Variants in SPTB observed in about 807,000 individuals in gnomAD.
SPTB encodes the protein spectrin beta, erythrocytic.
SPTB carries 45 observed loss-of-function variants against 256.2 expected under a neutral mutation model. The ratio of observed to expected loss-of-function variants is 0.18; its 90% CI spans 0.14 to 0.23. The LOEUF is 0.23. Ranked by LOEUF, SPTB falls within the 10% of genes least tolerant of loss-of-function variation. The pLI, the probability that SPTB is intolerant of heterozygous loss-of-function variation, is 1.00. For missense variants in SPTB, 2,715 were observed against 3,040.4 expected (o/e 0.89, Z 2.52); for synonymous variants, 1,231 against 1,243.1 (o/e 0.99, Z 0.21).
At chr14:64,867,675 GA>G (rs1882268505) in intron 1 of SPTB, among the ~76,000 whole-genome samples, 1 of 151,970 alleles carries the variant, frequency 6.6e-6, no homozygotes, top group Non-Finnish European at 1.5e-5. Context: ...CCAACATGGC[GA>G]AACCCCGTCT....
chr14:64,752,333 G>T, intron 33 of SPTB: 1 of 1,124,478 alleles, frequency 8.9e-7, no homozygotes, highest in South Asian at 1.3e-5. Flanking sequence ...GGGCAGGAAG[G>T]TGGAGAAACT....
Position 64,785,502 on chromosome 14 carries a change from T to G in SPTB, c.3855+35A>C. ...GGAACTCTGCTTCTAGAAAGGAATC[T>G]CCAGGAAAGCAGCCACTCCTTGCTG... On this transcript the variant is annotated intron_variant, in intron 18 of 35. Transcript: ENST00000644917. This position sits in a 1 kb window ranked among gnomAD's most constrained non-coding sequence, Gnocchi z 4.4. 1 of 1,575,896 alleles carries G rather than the reference T, an allele frequency of 6.3e-7. No homozygotes were observed. Among genetic ancestry groups the G allele is most frequent in the South Asian group, 1.1e-5 (1 of 87,752 alleles).
intron 1 of SPTB, among the ~76,000 whole-genome samples, chr14:64,874,550 C>T (rs1169757089): frequency 6.6e-6 from 1 of 152,166 alleles, no homozygotes; most frequent in Admixed American, 6.5e-5. Context: ...TCTTGCTTTT[C>T]CACCCTTCTG....
chr14:64,801,440 G>A lies in SPTB; in HGVS notation c.648-40C>T, dbSNP rs780871242. The stretch of plus-strand genomic sequence containing the variant: ...GGACTGTGAAAAGGGAGTAGCCACA[G>A]CATCCCCACCAGGAGGGCAGCCCTA... On this transcript the variant is annotated intron_variant, in intron 6 of 35. Coordinates refer to ENST00000644917, the MANE Select transcript of SPTB (RefSeq NM_001355436.2). 2.0e-6 allele frequency: 3 copies of A among 1,475,888 alleles called. No individual in the cohort carries two copies. The South Asian group carries it at 3.4e-5, about 17-fold the overall frequency. The allele number at this position is 1,475,888 out of a possible 1,614,324, so 91.4% of individuals were successfully genotyped here. A position where few individuals can be genotyped will look rare whatever the true frequency, so the allele number is the denominator to read the frequency against.
At chr14:64,813,786 A>G (rs889195883) in intron 2 of SPTB, among the ~76,000 whole-genome samples, 50 of 152,196 alleles carry the variant, frequency 3.3e-4, no homozygotes, top group African/African-American at 1.1e-3. Context: ...TTGGCCTCCA[A>G]AAGTGCCTGG....
intron 1 of SPTB, among the ~76,000 whole-genome samples, chr14:64,862,369 T>C (rs955566286): frequency 2.6e-5 from 4 of 152,176 alleles, no homozygotes; most frequent in African/African-American, 9.6e-5. Context: ...TGAAAAATAC[T>C]ATAAATACAA....
chr14:64,799,264 G>C (rs2082835946), intron 9 of SPTB, among the ~76,000 whole-genome samples: 1 of 152,250 alleles, frequency 6.6e-6, no homozygotes, highest in African/African-American at 2.4e-5. Flanking sequence ...GGGTGGGGCA[G>C]AGGTCCTGAG....
At position 64,749,593 on chromosome 14, in the gene SPTB, G is replaced by C; in HGVS notation, c.6819+61C>G. 1 of 1,609,788 alleles carries C rather than the reference G, an allele frequency of 6.2e-7. No homozygotes were observed. Among genetic ancestry groups the C allele is most frequent in the East Asian group, 2.2e-5 (1 of 44,868 alleles). On this transcript the variant is annotated intron_variant, in intron 35 of 35. Transcript: ENST00000644917. This position sits in a 1 kb window ranked among gnomAD's most constrained non-coding sequence, Gnocchi z 4.7. ...TCTGAGGGGGCCTCCAGGGCAAGCGGCCTGGGGTCCTCCACCTACCCCCTT... is the reference window on the plus strand; with the variant it reads ...TCTGAGGGGGCCTCCAGGGCAAGCGCCCTGGGGTCCTCCACCTACCCCCTT...
chr14:64,762,861 T>C (rs1356917685), intron 32 of SPTB, among the ~76,000 whole-genome samples: 2 of 152,188 alleles, frequency 1.3e-5, no homozygotes, highest in Admixed American at 1.3e-4. Context: ...CCTTGGGGCT[T>C]GGAGGCAGGC....
At position 64,767,865 on chromosome 14, in the gene SPTB, A is replaced by G; in HGVS notation, c.6023-6T>C. On this transcript the variant is annotated splice_polypyrimidine_tract_variant and splice_region_variant and intron_variant, in intron 29 of 35. Coordinates refer to ENST00000644917, the MANE Select transcript of SPTB (RefSeq NM_001355436.2). ...GAACTGGCACACCTCCAGCACTGCC[A>G]GGGGGAACAGGACACAGACCCCCCA... The G allele has an allele frequency of 6.2e-7, 1 of 1,613,504 alleles. No homozygotes were observed. Among genetic ancestry groups the G allele is most frequent in the South Asian group, 1.1e-5 (1 of 91,038 alleles).
intron 32 of SPTB, among the ~76,000 whole-genome samples, chr14:64,762,631 C>T (rs2082110593): frequency 6.6e-6 from 1 of 151,962 alleles, no homozygotes; most frequent in African/African-American, 2.4e-5. Context: ...CTCCTACGTT[C>T]AGCCCTAGCG....
intron 2 of SPTB, among the ~76,000 whole-genome samples, chr14:64,822,242 T>C (rs1247384078): frequency 1.4e-5 from 2 of 139,212 alleles, no homozygotes; most frequent in Non-Finnish European, 3.0e-5. Context: ...AGGGAGGCAA[T>C]AGTCACAGGA....
Position 64,806,150 on chromosome 14 carries a change from G to T in SPTB, c.149-1060C>A, listed in dbSNP as rs989165440. On this transcript the variant is annotated intron_variant, in intron 2 of 35. Transcript: ENST00000644917. This position sits in a 1 kb window ranked among gnomAD's most constrained non-coding sequence, Gnocchi z 4.1. ...TGGCACAAAAAAAAGAGAGAGAAAA[G>T]GATAGAGGAGGGGAGAAGGAGAAAA... 6.7e-6 allele frequency among the ~76,000 whole-genome samples: 1 copy of T among 149,524 alleles called. No individual in the cohort carries two copies. Among genetic ancestry groups the T allele is most frequent in the Non-Finnish European group, 1.5e-5 (1 of 67,616 alleles).
At chr14:64,810,734 A>G (rs572647370) in intron 2 of SPTB, among the ~76,000 whole-genome samples, 1 of 152,276 alleles carries the variant, frequency 6.6e-6, no homozygotes, top group South Asian at 2.1e-4. Flanking sequence ...GCTTTCTACA[A>G]TGTTAGTGTA....
At chr14:64,761,758 G>A (rs1387425316) in intron 32 of SPTB, among the ~76,000 whole-genome samples, 1 of 152,188 alleles carries the variant, frequency 6.6e-6, no homozygotes, top group African/African-American at 2.4e-5. Context: ...TGCCCTGAAG[G>A]AGCTGCTGGC....
rs550381659 is a variant in SPTB at position 64,824,304 on chromosome 14, A to C, written c.-51-1159T>G. On this transcript the variant is annotated intron_variant, in intron 1 of 35. Transcript: ENST00000644917. This position sits in a 1 kb window ranked among gnomAD's most constrained non-coding sequence, Gnocchi z 5.7. ...AAGGACAAGAGTCCAAGCAAAGGGA[A>C]TAAAGAGTAGGTGTAAAGTCCTGAA... is the stretch of plus-strand genomic sequence containing the variant. Among the ~76,000 whole-genome samples, 3 of 152,290 alleles carry C rather than the reference A, an allele frequency of 2.0e-5. No individual in the cohort carries two copies. In the East Asian group the frequency reaches 5.8e-4, roughly 29 times the overall value.
At position 64,753,712 on chromosome 14, in the gene SPTB, C is replaced by T; in HGVS notation, c.6427G>A (p.Gly2143Arg). ...GQHKDGQKST[G>R]DERPTTEPLF... ...GGCTCCGTGGTGGGCCTCTCATCCC[C>T]AGTGGATTTCTGCCCATCCTTGTGC... Residue 2143 changes from glycine to arginine, a missense_variant, in exon 33 of 36, where the codon GGG (glycine) becomes AGG (arginine). Gly to Arg is a moderately radical substitution (Grantham distance 125, BLOSUM62 -2). Transcript: ENST00000644917. 1 of 1,613,828 alleles carries T rather than the reference C, an allele frequency of 6.2e-7. No individual in the cohort carries two copies. The highest frequency in any genetic ancestry group is 8.5e-7 in the Non-Finnish European group (1 of 1,180,028).
chr14:64,869,960 C>CAA (rs1882433601), intron 1 of SPTB, among the ~76,000 whole-genome samples: 1 of 151,830 alleles, frequency 6.6e-6, no homozygotes, highest in Admixed American at 6.6e-5. Flanking sequence ...ATTTCTGAGC[C>CAA]ACTCCCCTCC....
chr14:64,749,301 A>G lies in SPTB; in HGVS notation c.*5T>C, dbSNP rs779842361. 1.0e-5 allele frequency: 16 copies of G among 1,595,424 alleles called. No individual in the cohort carries two copies. The highest frequency in any genetic ancestry group is 4.5e-5 in the East Asian group (2 of 44,204). On this transcript the variant is annotated 3_prime_UTR_variant, in exon 36 of 36. Coordinates refer to ENST00000644917, the MANE Select transcript of SPTB (RefSeq NM_001355436.2). The surrounding 1 kb of genome is among the most constrained non-coding windows in gnomAD (Gnocchi z 4.7). ...CGACTCCGCCGCGCCCGCCAGCCCC[A>G]CCTGCTACTTCTTTTTGGGGAAGAA...
Sources: gnomAD v4.1 joint callset for allele counts (sites outside exome capture counted in the v4.1 genomes callset) on GRCh38, gnomAD v4.1.1 for gene constraint, Gnocchi (gnomAD v3.1) non-coding constraint, MANE v1.5 for transcripts, NCBI Gene and HGNC (gene_info 2026-07-23, HGNC 2026-07-21) for gene names.